The following SOX5 variants were observed in gnomAD, a reference collection of about 807,000 sequenced individuals.
The protein encoded by SOX5 is transcription factor SOX-5.
A neutral mutation model predicts 92.0 loss-of-function variants in SOX5; 9 were observed. The ratio of observed to expected loss-of-function variants is 0.10; its 90% CI spans 0.06 to 0.17. SOX5 has a LOEUF of 0.17. Among genes scored for constraint, SOX5 ranks in the 10% least tolerant of loss-of-function variants. The pLI is 1.00. For missense variants in SOX5, 642 were observed against 944.5 expected, an observed-to-expected ratio of 0.68 and a Z score of 4.20; for synonymous variants, 344 against 336.3, an observed-to-expected ratio of 1.02 and a Z score of -0.25.
chr12:24,509,399 G>C (rs1021013961), intron 1 of SOX5, among the ~76,000 whole-genome samples: 2 of 152,040 alleles, frequency 1.3e-5, no homozygotes, highest in African/African-American at 4.8e-5. Context: ...CTTTAGGGGT[G>C]AAAGTGATGA....
intron 4 of SOX5, among the ~76,000 whole-genome samples, chr12:24,175,617 A>G (rs1053091023): frequency 1.8e-4 from 28 of 152,188 alleles, no homozygotes; most frequent in African/African-American, 6.3e-4. Flanking sequence ...TATATATTTT[A>G]TTTGTATGTG....
intron 6 of SOX5, among the ~76,000 whole-genome samples, chr12:23,724,332 TATA>T (rs1322011835): frequency 6.6e-6 from 1 of 152,136 alleles, no homozygotes; most frequent in Admixed American, 6.6e-5. Flanking sequence ...ATAAAATGGA[TATA>T]ATAACACAAA....
intron 2 of SOX5, among the ~76,000 whole-genome samples, chr12:23,862,344 A>C (rs1320889060): frequency 1.3e-5 from 2 of 152,106 alleles, no homozygotes; most frequent in Non-Finnish European, 2.9e-5. Flanking sequence ...TTGAGAGAAG[A>C]AATTTGTCTA....
intron 4 of SOX5, among the ~76,000 whole-genome samples, chr12:24,204,324 A>AT (rs201648285): frequency 0.11 from 16,485 of 150,096 alleles, 1,516 homozygotes; most frequent in East Asian, 0.48. Context: ...TATTATTATT[A>AT]TTAATTATTA....
chr12:23,955,336 T>G (rs184823462), upstream of SOX5, among the ~76,000 whole-genome samples: 1 of 152,160 alleles, frequency 6.6e-6, no homozygotes. Context: ...CAGAGAAGAA[T>G]AGTATTCTTA....
intron 2 of SOX5, among the ~76,000 whole-genome samples, chr12:24,335,425 T>G (rs1951777361): frequency 6.6e-6 from 1 of 152,210 alleles, no homozygotes. Flanking sequence ...TGCTAGGTAC[T>G]AAGTGCAGCA....
intron 2 of SOX5, among the ~76,000 whole-genome samples, chr12:24,336,228 G>A (rs1040644154): frequency 6.6e-6 from 1 of 151,466 alleles, no homozygotes; most frequent in African/African-American, 2.4e-5. Flanking sequence ...CTGAGTAGCT[G>A]GGACCACAGG....
rs74609897 is a variant in SOX5 at position 24,425,361 on chromosome 12, T to C, written c.-250-56722A>G. 4.5e-3 allele frequency among the ~76,000 whole-genome samples: 685 copies of C among 152,350 alleles called. 11 individuals are homozygous for C. In the East Asian group the frequency reaches 0.051, roughly 11 times the overall value. On this transcript the variant is annotated intron_variant, in intron 1 of 4. Coordinates refer to the SOX5 transcript ENST00000446891. ...TTCATCGAATCACCAGCACAATTCA[T>C]TGGCATTTTCTAAATGACCTAAGAA...
chr12:24,121,127 A>C (rs1218956045), intron 4 of SOX5, among the ~76,000 whole-genome samples: 1 of 152,212 alleles, frequency 6.6e-6, no homozygotes, highest in African/African-American at 2.4e-5. Flanking sequence ...CTTACAAAAC[A>C]GACATTCTAC....
chr12:24,352,806 C>G, intron 2 of SOX5, among the ~76,000 whole-genome samples: 1 of 152,168 alleles, frequency 6.6e-6, no homozygotes, highest in East Asian at 1.9e-4. Flanking sequence ...AAACAGCTGC[C>G]CCTTGGCCAT....
At chr12:24,101,635 A>G (rs1946106982) in intron 4 of SOX5, among the ~76,000 whole-genome samples, 1 of 152,134 alleles carries the variant, frequency 6.6e-6, no homozygotes, top group South Asian at 2.1e-4. Flanking sequence ...AAAATTCACC[A>G]GCAGAAAAAA....
chr12:23,890,057 C>T (rs1020567105), intron 2 of SOX5, among the ~76,000 whole-genome samples: 2 of 152,094 alleles, frequency 1.3e-5, no homozygotes, highest in South Asian at 2.1e-4. Context: ...TGGTGGCTCA[C>T]GCCTGTAAAC....
rs187038385 is a variant in SOX5 at position 24,500,163 on chromosome 12, T to C, written c.-251+62166A>G. 1.1e-3 allele frequency among the ~76,000 whole-genome samples: 171 copies of C among 152,298 alleles called. 2 individuals carry two copies. Among genetic ancestry groups the C allele is most frequent in the East Asian group, 5.8e-4 (3 of 5,188 alleles). On this transcript the variant is annotated intron_variant, in intron 1 of 4. Transcript: ENST00000446891. The stretch of plus-strand genomic sequence containing the variant: ...TTATAAACCATCTTTATGTGGTGAG[T>C]GTTTTACAAAGTAACGAATCTCTGA...
At chr12:23,704,389 A>G (rs1316820769) in intron 6 of SOX5, among the ~76,000 whole-genome samples, 2 of 151,692 alleles carry the variant, frequency 1.3e-5, no homozygotes, top group Non-Finnish European at 2.9e-5. Context: ...CTTCTCCCTT[A>G]TTTTGTCAAT....
intron 1 of SOX5, among the ~76,000 whole-genome samples, chr12:24,437,290 C>T (rs1478078809): frequency 6.6e-6 from 1 of 151,996 alleles, no homozygotes; most frequent in Admixed American, 6.6e-5. Flanking sequence ...GAAACTGGAC[C>T]CCTCCCTCAC....
chr12:23,707,094 T>C (rs1451697398), intron 6 of SOX5, among the ~76,000 whole-genome samples: 2 of 152,150 alleles, frequency 1.3e-5, no homozygotes, highest in African/African-American at 2.4e-5. Flanking sequence ...TGAAATAAAG[T>C]ATTAAATAAT....
At chr12:24,067,946 AGCAGCCTG>A (rs987625919) in intron 4 of SOX5, among the ~76,000 whole-genome samples, 2 of 152,178 alleles carry the variant, frequency 1.3e-5, no homozygotes, top group African/African-American at 4.8e-5. Flanking sequence ...GGAGTTTGAG[AGCAGCCTG>A]GACAACACGG....
intron 8 of SOX5, among the ~76,000 whole-genome samples, chr12:23,635,949 T>G (rs1368021577): frequency 6.6e-6 from 1 of 152,134 alleles, no homozygotes; most frequent in Admixed American, 6.5e-5. Context: ...CTCATGTTTC[T>G]GGGTTGAGAA....
At chr12:23,899,100 A>C (rs2097205828) in intron 1 of SOX5, among the ~76,000 whole-genome samples, 1 of 152,198 alleles carries the variant, frequency 6.6e-6, no homozygotes, top group Non-Finnish European at 1.5e-5. Flanking sequence ...ACTTGGGCAG[A>C]AAAAAGTCTC....
Sources: gnomAD v4.1 joint callset for allele counts (sites outside exome capture counted in the v4.1 genomes callset) on GRCh38, gnomAD v4.1.1 for gene constraint, MANE v1.5 for transcripts, NCBI Gene and HGNC (gene_info 2026-07-23, HGNC 2026-07-21) for gene names.